GNB1: variants seen among roughly 807,000 people sequenced by gnomAD.
GNB1 encodes guanine nucleotide-binding protein G(I)/G(S)/G(T) subunit beta-1.
A neutral mutation model predicts 42.9 loss-of-function variants in GNB1; 2 were observed. That is an observed-to-expected ratio of 0.05 (90% CI 0.02 to 0.15). GNB1 has a LOEUF of 0.15. Among genes scored for constraint, GNB1 ranks in the 10% least tolerant of loss-of-function variants. The pLI, the probability that GNB1 is intolerant of heterozygous loss-of-function variation, is 1.00. For missense variants in GNB1, 193 were observed against 462.2 expected (o/e 0.42, Z 5.34); for synonymous variants, 183 against 174.7 (o/e 1.05, Z -0.38).
rs369045040 is a variant in GNB1, at chr1:1,793,377, G to C, written c.431-66C>G. ...GGCCTTGCACCCAGCCTCATACATA[G>C]AGAAACACATTGGCCCGGTGGAAGC... is the stretch of plus-strand genomic sequence containing the variant. On this transcript the variant is annotated intron_variant, in intron 7 of 11. Coordinates refer to ENST00000378609, the MANE Select transcript of GNB1 (RefSeq NM_002074.5). The C allele has an allele frequency of 2.4e-5, 26 of 1,078,638 alleles. No homozygotes were observed. In the African/African-American group the frequency reaches 2.6e-4, roughly 11 times the overall value. 66.8% of individuals were successfully genotyped at this position (1,078,638 alleles called of 1,614,324 possible).
intron 1 of GNB1, among the ~76,000 whole-genome samples, chr1:1,847,775 T>C (rs1647750329): frequency 6.6e-6 from 1 of 151,956 alleles, no homozygotes; most frequent in Non-Finnish European, 1.5e-5. Flanking sequence ...ACTGTGCATA[T>C]GCTTTTAAAA....
chr1:1,827,821 T>C (rs1241145249), intron 2 of GNB1, among the ~76,000 whole-genome samples: 1 of 152,228 alleles, frequency 6.6e-6, no homozygotes, highest in Non-Finnish European at 1.5e-5. Context: ...TCTTAGTCTG[T>C]AAAGCTACTT....
At chr1:1,822,674 G>A (rs1201673388) in intron 3 of GNB1, among the ~76,000 whole-genome samples, 1 of 152,100 alleles carries the variant, frequency 6.6e-6, no homozygotes, top group Non-Finnish European at 1.5e-5. Flanking sequence ...TGACATTTGT[G>A]CCAGCCCAAG....
At chr1:1,805,214 T>G (rs12134783) in intron 6 of GNB1, among the ~76,000 whole-genome samples, 35,823 of 151,444 alleles carry the variant, frequency 0.24, 4,408 homozygotes, top group Non-Finnish European at 0.26. Context: ...ATCCTAGCAC[T>G]TTGGGAGGCT....
At chr1:1,844,391 CAAA>C (rs66531711) in intron 1 of GNB1, among the ~76,000 whole-genome samples, 23 of 128,240 alleles carry the variant, frequency 1.8e-4, no homozygotes, top group Admixed American at 2.4e-4. Flanking sequence ...ACTCCGTCTC[CAAA>C]AAAAAAAAAA....
chr1:1,806,925 A>G (rs1646702802), intron 5 of GNB1, among the ~76,000 whole-genome samples: 1 of 152,112 alleles, frequency 6.6e-6, no homozygotes, highest in South Asian at 2.1e-4. Context: ...AGTGAGCCAC[A>G]ATCATGCCAC....
At chr1:1,876,682 C>T (rs1399581225) in intron 1 of GNB1, among the ~76,000 whole-genome samples, 2 of 152,208 alleles carry the variant, frequency 1.3e-5, no homozygotes, top group African/African-American at 4.8e-5. Context: ...AGAAGCATTT[C>T]AGGAATGAAG....
At chr1:1,886,967 C>A (rs1473945015) in intron 1 of GNB1, among the ~76,000 whole-genome samples, 2 of 152,174 alleles carry the variant, frequency 1.3e-5, no homozygotes, top group African/African-American at 2.4e-5. Context: ...CCTGACTCGG[C>A]CTCCCAAAGT....
intron 1 of GNB1, among the ~76,000 whole-genome samples, chr1:1,864,309 T>A (rs2101685058): frequency 8.3e-5 from 2 of 24,092 alleles, no homozygotes. Context: ...AGAGCAAGAC[T>A]CTCTCAAAAA....
chr1:1,787,512 G>A lies in GNB1; in HGVS notation c.917-75C>T. Reference sequence around the variant, plus strand: ...TCACCTGTGTGCCATGTTGTGACGAGGACGGATGGTGCATCTCTCATGGGA... The same window carrying A: ...TCACCTGTGTGCCATGTTGTGACGAAGACGGATGGTGCATCTCTCATGGGA... On this transcript the variant is annotated intron_variant, in intron 10 of 11. Transcript: ENST00000378609. This position sits in a 1 kb window ranked among gnomAD's most constrained non-coding sequence, Gnocchi z 4.4. 3 of 871,232 alleles carry A rather than the reference G, an allele frequency of 3.4e-6. No homozygotes were observed. The highest frequency in any genetic ancestry group is 1.9e-6 in the Non-Finnish European group (1 of 531,026). 54.0% of individuals were successfully genotyped at this position (871,232 alleles called of 1,614,324 possible). A position where few individuals can be genotyped will look rare whatever the true frequency, so the allele number is the denominator to read the frequency against.
At chr1:1,842,758 T>C (rs1423160655) in intron 1 of GNB1, among the ~76,000 whole-genome samples, 1 of 152,218 alleles carries the variant, frequency 6.6e-6, no homozygotes, top group Non-Finnish European at 1.5e-5. Context: ...CGGCACCGAA[T>C]CATTCACTTT....
intron 2 of GNB1, among the ~76,000 whole-genome samples, chr1:1,831,557 T>C (rs771368751): frequency 6.6e-6 from 1 of 151,956 alleles, no homozygotes; most frequent in Non-Finnish European, 1.5e-5. Context: ...CAAGCGATTC[T>C]CCTTCCTCAG....
intron 5 of GNB1, among the ~76,000 whole-genome samples, chr1:1,809,604 TC>T (rs1646748137): frequency 6.6e-6 from 1 of 152,226 alleles, no homozygotes; most frequent in African/African-American, 2.4e-5. Context: ...TCAGAGCTGA[TC>T]TAAAGCAGCT....
chr1:1,840,548 C>T (rs572183276), intron 1 of GNB1, among the ~76,000 whole-genome samples: 1 of 152,324 alleles, frequency 6.6e-6, no homozygotes, highest in African/African-American at 2.4e-5. Context: ...CGCACACACA[C>T]ACACAGACAC....
At chr1:1,851,814 T>C (rs1304187065) in intron 1 of GNB1, among the ~76,000 whole-genome samples, 1 of 151,820 alleles carries the variant, frequency 6.6e-6, no homozygotes, top group Non-Finnish European at 1.5e-5. Context: ...GAGGCTGAGG[T>C]GGGTGGATCA....
chr1:1,889,768 T>A (rs1650368530), intron 1 of GNB1, among the ~76,000 whole-genome samples: 1 of 151,506 alleles, frequency 6.6e-6, no homozygotes, highest in African/African-American at 2.4e-5. Flanking sequence ...AATGTTAAAA[T>A]ATCATTTGAA....
intron 1 of GNB1, among the ~76,000 whole-genome samples, chr1:1,844,066 G>C (rs1037773605): frequency 2.6e-5 from 4 of 151,972 alleles, no homozygotes; most frequent in Non-Finnish European, 2.9e-5. Context: ...GTGGTGGCGG[G>C]TGCCTGTAGT....
At chr1:1,847,699 C>T (rs976028990) in intron 1 of GNB1, among the ~76,000 whole-genome samples, 2 of 152,028 alleles carry the variant, frequency 1.3e-5, no homozygotes, top group South Asian at 2.1e-4. Flanking sequence ...CTGGAGAGGA[C>T]GACGTCCAGA....
chr1:1,883,277 C>A (rs1235193522), intron 1 of GNB1, among the ~76,000 whole-genome samples: 5 of 122,414 alleles, frequency 4.1e-5, no homozygotes, highest in Non-Finnish European at 7.1e-5. Flanking sequence ...AAACCCTGTC[C>A]CAAAAAAAAA....
Sources: allele counts gnomAD v4.1 joint callset (sites outside exome capture counted in the v4.1 genomes callset), GRCh38; gene constraint gnomAD v4.1.1; non-coding constraint Gnocchi (gnomAD v3.1); transcripts MANE v1.5; gene names NCBI Gene and HGNC (gene_info 2026-07-23, HGNC 2026-07-21).